The following PTPRD variants were observed in gnomAD, a reference collection of about 807,000 sequenced individuals.
The protein encoded by PTPRD is protein tyrosine phosphatase receptor type D, also known as receptor-type tyrosine-protein phosphatase delta.
In PTPRD, 34 loss-of-function variants were observed where a neutral mutation model predicts 214.5. The ratio of observed to expected loss-of-function variants is 0.16; its 90% CI spans 0.12 to 0.21. The LOEUF (loss-of-function observed/expected upper bound fraction) is 0.21, where lower values mean the gene tolerates loss of function less well. PTPRD is among the 10% of genes least tolerant of loss of function. The pLI, the probability that PTPRD is intolerant of heterozygous loss-of-function variation, is 1.00. For synonymous variants in PTPRD, 1,128 were observed against 845.7 expected, an observed-to-expected ratio of 1.33 and a Z score of -5.79; for missense variants, 2,545 against 2,398.7, an observed-to-expected ratio of 1.06 and a Z score of -1.27.
At chr9:10,214,862 A>G (rs1409656795) in intron 3 of PTPRD, among the ~76,000 whole-genome samples, 1 of 152,090 alleles carries the variant, frequency 6.6e-6, no homozygotes, top group East Asian at 1.9e-4. Context: ...GTGCTCTCAC[A>G]TTGTACATGA....
chr9:8,739,622 C>T (rs1398691097), intron 11 of PTPRD, among the ~76,000 whole-genome samples: 1 of 152,100 alleles, frequency 6.6e-6, no homozygotes, highest in Non-Finnish European at 1.5e-5. Flanking sequence ...ATTCTGAGTT[C>T]TCGTAGTCCT....
intron 4 of PTPRD, among the ~76,000 whole-genome samples, chr9:10,004,001 C>T (rs1159263488): frequency 6.6e-6 from 1 of 151,706 alleles, no homozygotes; most frequent in African/African-American, 2.4e-5. Context: ...AATTGAGAAA[C>T]TTCAAAGGTT....
At chr9:8,936,921 T>C (rs192209316) in intron 11 of PTPRD, among the ~76,000 whole-genome samples, 4 of 152,316 alleles carry the variant, frequency 2.6e-5, no homozygotes, top group Admixed American at 2.6e-4. Context: ...ATTTGGATTT[T>C]ACTTACTAAT....
At chr9:9,710,976 G>A (rs997543190) in intron 7 of PTPRD, among the ~76,000 whole-genome samples, 2 of 144,312 alleles carry the variant, frequency 1.4e-5, no homozygotes, top group Non-Finnish European at 3.0e-5. Flanking sequence ...GAGAGAGAGC[G>A]TGTGTGTGTG....
intron 3 of PTPRD, among the ~76,000 whole-genome samples, chr9:10,122,425 T>A (rs1470771336): frequency 2.6e-5 from 4 of 152,138 alleles, no homozygotes; most frequent in Admixed American, 2.0e-4. Context: ...ATCTAGAAAT[T>A]AACAGGTATC....
intron 14 of PTPRD, among the ~76,000 whole-genome samples, chr9:8,619,262 A>G (rs545222009): frequency 1.7e-4 from 26 of 152,096 alleles, no homozygotes; most frequent in African/African-American, 6.3e-4. Context: ...ATTATGAACT[A>G]TAGTCACCAT....
chr9:10,542,574 C>T (rs763382323), intron 2 of PTPRD, among the ~76,000 whole-genome samples: 14 of 151,886 alleles, frequency 9.2e-5, no homozygotes, highest in African/African-American at 2.9e-4. Context: ...ATTATTTCAC[C>T]TTATAAACAT....
intron 2 of PTPRD, among the ~76,000 whole-genome samples, chr9:10,440,653 A>G (rs1482007704): frequency 6.6e-6 from 1 of 151,776 alleles, no homozygotes; most frequent in Non-Finnish European, 1.5e-5. Flanking sequence ...ACCAAACTTG[A>G]AAGCAATGAG....
chr9:8,776,614 T>G (rs1019639244), intron 11 of PTPRD, among the ~76,000 whole-genome samples: 1 of 151,936 alleles, frequency 6.6e-6, no homozygotes, highest in Non-Finnish European at 1.5e-5. Flanking sequence ...TTTATTAAAA[T>G]GAAAGCAATG....
At chr9:9,806,452 T>C (rs1369897427) in intron 5 of PTPRD, among the ~76,000 whole-genome samples, 1 of 152,014 alleles carries the variant, frequency 6.6e-6, no homozygotes, top group African/African-American at 2.4e-5. Context: ...CTCCCCGCTC[T>C]TGTGACAATA....
intron 2 of PTPRD, among the ~76,000 whole-genome samples, chr9:10,559,643 T>G (rs1160984615): frequency 1.3e-5 from 2 of 151,850 alleles, no homozygotes; most frequent in South Asian, 2.1e-4. Flanking sequence ...GGGAGAAAAT[T>G]TTCACAACCT....
chr9:9,816,256 C>T (rs929805513), intron 5 of PTPRD, among the ~76,000 whole-genome samples: 3 of 151,816 alleles, frequency 2.0e-5, no homozygotes, highest in Non-Finnish European at 2.9e-5. Flanking sequence ...AAATTTTTTC[C>T]GTTAAAGAAA....
At chr9:9,566,895 C>A (rs886086143) in intron 8 of PTPRD, among the ~76,000 whole-genome samples, 2 of 151,986 alleles carry the variant, frequency 1.3e-5, no homozygotes, top group Admixed American at 1.3e-4. Flanking sequence ...TATTTTGTTG[C>A]CCAGGCACAT....
At chr9:9,965,976 T>G (rs1163218017) in intron 4 of PTPRD, among the ~76,000 whole-genome samples, 2 of 152,192 alleles carry the variant, frequency 1.3e-5, no homozygotes, top group Non-Finnish European at 2.9e-5. Flanking sequence ...TGCTTTTGAG[T>G]ATATTGCTAA....
intron 33 of PTPRD, among the ~76,000 whole-genome samples, chr9:8,453,227 G>A (rs1379099482): frequency 6.6e-6 from 1 of 152,142 alleles, no homozygotes; most frequent in African/African-American, 2.4e-5. Context: ...GCAGTGGTGC[G>A]ATCTCGGCTC....
chr9:8,884,997 G>A (rs1312595729), intron 11 of PTPRD, among the ~76,000 whole-genome samples: 1 of 152,160 alleles, frequency 6.6e-6, no homozygotes, highest in Non-Finnish European at 1.5e-5. Flanking sequence ...ATACAACGTA[G>A]AAATTTAGTG....
rs1252646927 is a variant in PTPRD at position 10,612,739 on chromosome 9, G to T, written c.-759C>A. ...GGCGGCGCCGCGCCGGAGGGGAGGA[G>T]GCTCGGGAGGAGGAGGAGAAAGAGC... On this transcript the variant is annotated 5_prime_UTR_variant, in exon 1 of 46. Transcript: ENST00000381196. The T allele has an allele frequency of 6.5e-6, 1 of 152,818 alleles. No individual in the cohort carries two copies. The highest frequency in any genetic ancestry group is 1.5e-5 in the Non-Finnish European group (1 of 68,568). 9.5% of individuals were successfully genotyped at this position (152,818 alleles called of 1,614,324 possible). A position where few individuals can be genotyped will look rare whatever the true frequency, so the allele number is the denominator to read the frequency against.
Position 10,471,289 on chromosome 9 carries a change from C to G in PTPRD, c.-599-130272G>C, listed in dbSNP as rs556472389. Among the ~76,000 whole-genome samples the G allele has an allele frequency of 2.0e-5, 3 of 152,102 alleles. No individual in the cohort carries two copies. In the South Asian group the frequency reaches 6.2e-4, roughly 32 times the overall value. On this transcript the variant is annotated intron_variant, in intron 2 of 45. Coordinates refer to ENST00000381196, the MANE Select transcript of PTPRD (RefSeq NM_002839.4). ...ATGCACATGTATCCCGGAACTTAAA[C>G]TATAATAAAAAATAAATAAAATAAA...
chr9:8,517,400 A>T (rs921824886), intron 21 of PTPRD, among the ~76,000 whole-genome samples: 2 of 152,216 alleles, frequency 1.3e-5, no homozygotes, highest in African/African-American at 4.8e-5. Context: ...TCAAGCCAGT[A>T]GCTTCTGGCA....
Sources: gnomAD v4.1 joint callset for allele counts (sites outside exome capture counted in the v4.1 genomes callset) on GRCh38, gnomAD v4.1.1 for gene constraint, MANE v1.5 for transcripts, NCBI Gene and HGNC (gene_info 2026-07-23, HGNC 2026-07-21) for gene names.